The following NOL4 variants were observed in gnomAD, a reference collection of about 807,000 sequenced individuals.
NOL4 encodes nucleolar protein 4, also known as cancer/testis antigen 125.
In NOL4, 17 loss-of-function variants were observed where a neutral mutation model predicts 75.9. The observed-to-expected ratio is 0.22, with a 90% CI of 0.15 to 0.34. The LOEUF (loss-of-function observed/expected upper bound fraction) is 0.34, where lower values mean the gene tolerates loss of function less well. NOL4 is among the 10% of genes least tolerant of loss of function. The pLI is 1.00. For missense variants in NOL4, 614 were observed against 793.5 expected (o/e 0.77, Z 2.72); for synonymous variants, 292 against 289.9 (o/e 1.01, Z -0.07).
chr18:33,916,150 T>C (rs554124521), intron 9 of NOL4, among the ~76,000 whole-genome samples: 90 of 152,228 alleles, frequency 5.9e-4, no homozygotes, highest in African/African-American at 2.0e-3. Flanking sequence ...CATTTTTCAA[T>C]TTTTTGGAGT....
intron 8 of NOL4, among the ~76,000 whole-genome samples, chr18:33,948,223 A>G (rs73414376): frequency 0.045 from 6,856 of 152,024 alleles, 312 homozygotes; most frequent in African/African-American, 0.12. Context: ...CAAGGTTGTA[A>G]GTAGAATGAG....
chr18:33,869,875 G>C (rs1253079084), intron 10 of NOL4, among the ~76,000 whole-genome samples: 1 of 151,822 alleles, frequency 6.6e-6, no homozygotes, highest in Non-Finnish European at 1.5e-5. Context: ...AACATCCAGA[G>C]GTTTAAAAAT....
chr18:34,109,322 G>A (rs900566793), intron 2 of NOL4, among the ~76,000 whole-genome samples: 2 of 151,992 alleles, frequency 1.3e-5, no homozygotes, highest in Admixed American at 6.6e-5. Flanking sequence ...ACAAGCCTGG[G>A]TAATATAGTG....
At chr18:34,105,595 C>G (rs936802462) in intron 2 of NOL4, among the ~76,000 whole-genome samples, 1 of 151,832 alleles carries the variant, frequency 6.6e-6, no homozygotes. Context: ...GGATTTTGCA[C>G]AATGAACATT....
rs147980936 is a variant in NOL4, at chr18:33,999,821, G to T, written c.1056+19497C>A. The stretch of plus-strand genomic sequence containing the variant: ...CATGTACCACTATGCCCAGCTAATT[G>T]TTGTATTTTTTTAGTAGAGATGGGG... On this transcript the variant is annotated intron_variant, in intron 6 of 10. Transcript: ENST00000261592. Among the ~76,000 whole-genome samples, 510 of 151,962 alleles carry T rather than the reference G, an allele frequency of 3.4e-3. 3 individuals are homozygous for T. Among genetic ancestry groups the T allele is most frequent in the Middle Eastern group, 0.01 (3 of 294 alleles).
intron 6 of NOL4, among the ~76,000 whole-genome samples, chr18:33,995,703 T>C (rs1012619102): frequency 6.6e-6 from 1 of 151,900 alleles, no homozygotes; most frequent in Non-Finnish European, 1.5e-5. Flanking sequence ...TTTATGAATG[T>C]ATTGTTTAAT....
chr18:34,153,585 T>G (rs1281086447), intron 1 of NOL4, among the ~76,000 whole-genome samples: 3 of 151,940 alleles, frequency 2.0e-5, no homozygotes, highest in Admixed American at 6.6e-5. Flanking sequence ...CACTGCAAGA[T>G]ATAAATCAGT....
At chr18:34,215,184 C>T (rs2036797464) in intron 1 of NOL4, among the ~76,000 whole-genome samples, 1 of 151,996 alleles carries the variant, frequency 6.6e-6, no homozygotes, top group East Asian at 1.9e-4. Context: ...ACAATTAAAA[C>T]ACATAGTTGG....
At chr18:34,017,929 T>C (rs1198139968) in intron 6 of NOL4, among the ~76,000 whole-genome samples, 1 of 152,176 alleles carries the variant, frequency 6.6e-6, no homozygotes, top group Non-Finnish European at 1.5e-5. Context: ...CCAAACCATC[T>C]GTGCTTCTCA....
intron 1 of NOL4, among the ~76,000 whole-genome samples, chr18:34,152,620 C>T (rs1382789506): frequency 6.6e-6 from 1 of 151,932 alleles, no homozygotes; most frequent in East Asian, 1.9e-4. Flanking sequence ...AGACAGATCA[C>T]CCTTATGGAA....
chr18:34,161,713 G>T (rs2146180561), intron 1 of NOL4, among the ~76,000 whole-genome samples: 1 of 152,056 alleles, frequency 6.6e-6, no homozygotes, highest in Non-Finnish European at 1.5e-5. Context: ...ATGCTGTTGA[G>T]TTGAGTTCCT....
chr18:33,916,358 C>T (rs192882202), intron 9 of NOL4, among the ~76,000 whole-genome samples: 1 of 152,240 alleles, frequency 6.6e-6, no homozygotes, highest in East Asian at 1.9e-4. Flanking sequence ...GGTAACTCTT[C>T]AGCCTCTCGG....
At chr18:33,894,261 C>T (rs2065268671) in intron 9 of NOL4, among the ~76,000 whole-genome samples, 1 of 152,034 alleles carries the variant, frequency 6.6e-6, no homozygotes, top group African/African-American at 2.4e-5. Flanking sequence ...AAACTGTCTG[C>T]AGTTAAAGGG....
Position 33,964,000 on chromosome 18 carries a change from AGAACACATGAATTCAGT to A in NOL4, c.1057-5599_1057-5583del, listed in dbSNP as rs1302219059. 1.3e-5 allele frequency among the ~76,000 whole-genome samples: 2 copies of A among 152,176 alleles called. 1 individual carries two copies. Among genetic ancestry groups the A allele is most frequent in the Non-Finnish European group, 2.9e-5 (2 of 68,044 alleles). ...TCCTCATTATGTCCTAAATGAGGGA[AGAACACATGAATTCAGT>A]GCCAGGTGTCTATGCTTTCACGTGC... On this transcript the variant is annotated intron_variant, in intron 6 of 10. Coordinates refer to ENST00000261592, the MANE Select transcript of NOL4 (RefSeq NM_003787.5).
chr18:34,206,776 T>G lies in NOL4; in HGVS notation c.264+16214A>C, dbSNP rs539996773. Reference sequence around the variant, plus strand: ...GCCCTGCGAACAAATTTGGAAAACATTCAGCCATTATTTTTCTATTTTTTT... The same window carrying G: ...GCCCTGCGAACAAATTTGGAAAACAGTCAGCCATTATTTTTCTATTTTTTT... On this transcript the variant is annotated intron_variant, in intron 1 of 10. Transcript: ENST00000261592. Among the ~76,000 whole-genome samples the G allele has an allele frequency of 4.9e-4, 74 of 152,270 alleles. 2 individuals carry two copies. In the East Asian group the frequency reaches 0.014, roughly 28 times the overall value.
intron 7 of NOL4, 27 bp downstream of exon 7, chr18:33,958,212 C>A: frequency 6.4e-7 from 1 of 1,571,462 alleles, no homozygotes. Flanking sequence ...AAAAATTAAA[C>A]CACACTTGGA....
At chr18:34,191,539 G>A (rs1407874618) in intron 1 of NOL4, among the ~76,000 whole-genome samples, 3 of 152,038 alleles carry the variant, frequency 2.0e-5, no homozygotes, top group Non-Finnish European at 4.4e-5. Context: ...TGTCATCCAC[G>A]TCATGATAAT....
chr18:33,889,246 A>G (rs2064953569), intron 9 of NOL4, among the ~76,000 whole-genome samples: 1 of 152,172 alleles, frequency 6.6e-6, no homozygotes, highest in Admixed American at 6.6e-5. Flanking sequence ...ACACATCTCT[A>G]TGCAAATAAA....
chr18:33,964,229 T>C (rs958533436), intron 6 of NOL4, among the ~76,000 whole-genome samples: 2 of 152,168 alleles, frequency 1.3e-5, no homozygotes, highest in Non-Finnish European at 2.9e-5. Context: ...AGTGACTGAT[T>C]ACACTTTTGA....
Sources: allele counts gnomAD v4.1 joint callset (sites outside exome capture counted in the v4.1 genomes callset), GRCh38; gene constraint gnomAD v4.1.1; transcripts MANE v1.5; gene names NCBI Gene and HGNC (gene_info 2026-07-23, HGNC 2026-07-21).